The following SYK variants were observed in gnomAD, a reference collection of about 807,000 sequenced individuals.
The protein encoded by SYK is spleen associated tyrosine kinase, also known as tyrosine-protein kinase SYK.
A neutral mutation model predicts 77.8 loss-of-function variants in SYK; 16 were observed. The observed-to-expected ratio is 0.21, with a 90% CI of 0.14 to 0.31. SYK has a LOEUF of 0.31. Among genes scored for constraint, SYK ranks in the 10% least tolerant of loss-of-function variants. SYK has a pLI of 1.00. For synonymous variants in SYK, 312 were observed against 308.7 expected (o/e 1.01, Z -0.11); for missense variants, 529 against 814.4 (o/e 0.65, Z 4.26).
chr9:90,884,424 T>A (rs1389198792), intron 11 of SYK, among the ~76,000 whole-genome samples: 1 of 84,672 alleles, frequency 1.2e-5, no homozygotes, highest in African/African-American at 5.1e-5. Flanking sequence ...TACATACATA[T>A]ACACATATGT....
chr9:90,869,968 C>T (rs947159451), intron 7 of SYK, among the ~76,000 whole-genome samples: 7 of 152,062 alleles, frequency 4.6e-5, no homozygotes, highest in Admixed American at 3.3e-4. Context: ...ATTAGCCAGG[C>T]GTGGTGGCAC....
chr9:90,897,985 G>A lies in SYK; in HGVS notation c.*2385G>A, dbSNP rs1223316089. On this transcript the variant is annotated 3_prime_UTR_variant, in exon 14 of 14. Coordinates refer to ENST00000375754, the MANE Select transcript of SYK (RefSeq NM_003177.7). ...GGCTACATTTGGGAAGCTGGGAAAG[G>A]CCTCCAGGCTTCTAGAGCAGCTAGC... is the stretch of plus-strand genomic sequence containing the variant. 3 of 229,424 alleles carry A rather than the reference G, an allele frequency of 1.3e-5. No homozygotes were observed. Among genetic ancestry groups the A allele is most frequent in the Non-Finnish European group, 2.6e-5 (3 of 115,740 alleles). The allele number at this position is 229,424 out of a possible 1,614,324, so 14.2% of individuals were successfully genotyped here. A position where few individuals can be genotyped will look rare whatever the true frequency, so the allele number is the denominator to read the frequency against.
chr9:90,844,347 CA>C (rs747578597), intron 2 of SYK, 32 bp downstream of exon 2: 96 of 1,530,358 alleles, frequency 6.3e-5, no homozygotes, highest in Non-Finnish European at 8.1e-5. Context: ...TCCCTGGGCC[CA>C]GGGGGCCCTG....
intron 1 of SYK, among the ~76,000 whole-genome samples, chr9:90,817,951 C>T (rs77688738): frequency 0.013 from 1,999 of 151,218 alleles, 47 homozygotes; most frequent in African/African-American, 0.046. Context: ...CATATTTCTC[C>T]CCAGTGAGGC....
intron 1 of SYK, among the ~76,000 whole-genome samples, chr9:90,841,113 T>C (rs1235090049): frequency 6.6e-6 from 1 of 151,786 alleles, no homozygotes; most frequent in Non-Finnish European, 1.5e-5. Flanking sequence ...GTGTGTGGTG[T>C]GTGTGCAGTG....
At chr9:90,813,931 CG>C (rs1209603181) in intron 1 of SYK, among the ~76,000 whole-genome samples, 1 of 152,120 alleles carries the variant, frequency 6.6e-6, no homozygotes, top group Admixed American at 6.5e-5. Flanking sequence ...GTCACTCCCC[CG>C]GGGGGCATCT....
chr9:90,889,306 AC>A (rs1828698718), intron 13 of SYK, among the ~76,000 whole-genome samples: 2 of 152,238 alleles, frequency 1.3e-5, no homozygotes, highest in African/African-American at 4.8e-5. Flanking sequence ...CGTGCATAGC[AC>A]GGTGACCCCA....
chr9:90,813,640 G>A, intron 1 of SYK, among the ~76,000 whole-genome samples: 1 of 152,192 alleles, frequency 6.6e-6, no homozygotes, highest in East Asian at 1.9e-4. Context: ...AATCAGACTG[G>A]CTCACAAAGA....
chr9:90,845,692 G>T, intron 3 of SYK, 98 bp downstream of exon 3: 1 of 1,429,434 alleles, frequency 7.0e-7, no homozygotes, highest in Non-Finnish European at 9.5e-7. Flanking sequence ...CATGACCCTG[G>T]GAAGAGGCCA....
chr9:90,858,581 C>A (rs290204), intron 3 of SYK, among the ~76,000 whole-genome samples: 1 of 152,128 alleles, frequency 6.6e-6, no homozygotes, highest in Non-Finnish European at 1.5e-5. Flanking sequence ...GGGTGGGTGT[C>A]CTGATGCCAC....
At chr9:90,845,103 T>C (rs550650428) in intron 2 of SYK, among the ~76,000 whole-genome samples, 43 of 152,214 alleles carry the variant, frequency 2.8e-4, no homozygotes, top group Non-Finnish European at 4.4e-4. Context: ...ACCTGGCTAA[T>C]TTTTGTATTT....
At chr9:90,873,168 A>C (rs933532658) in intron 7 of SYK, among the ~76,000 whole-genome samples, 4 of 152,184 alleles carry the variant, frequency 2.6e-5, no homozygotes, top group Non-Finnish European at 5.9e-5. Flanking sequence ...TTGTAATATG[A>C]ATAAGGCACA....
At chr9:90,810,526 G>C (rs535018873) in intron 1 of SYK, among the ~76,000 whole-genome samples, 1 of 152,260 alleles carries the variant, frequency 6.6e-6, no homozygotes, top group South Asian at 2.1e-4. Context: ...TGTAACAAAT[G>C]TGTGAGTGAA....
intron 6 of SYK, 90 bp from the exon 7 acceptor site, chr9:90,867,041 A>G (rs1827525675): frequency 1.4e-6 from 2 of 1,462,692 alleles, no homozygotes; most frequent in African/African-American, 2.8e-5. Context: ...GTGCGATTAT[A>G]GAAGCAAATT....
In SYK at chr9:90,839,411, C is replaced by T. The variant is rs913922297; in HGVS notation, c.-41-4447C>T. Among the ~76,000 whole-genome samples the T allele has an allele frequency of 4.6e-5, 7 of 152,150 alleles. No homozygotes were observed. In the East Asian group the frequency reaches 5.8e-4, roughly 13 times the overall value. On this transcript the variant is annotated intron_variant, in intron 1 of 13. Coordinates refer to ENST00000375754, the MANE Select transcript of SYK (RefSeq NM_003177.7). The stretch of plus-strand genomic sequence containing the variant: ...AGCACATTCTTCTGCCACCTGCTTG[C>T]GAACATATCTGCAATGCACCATCAA...
intron 7 of SYK, among the ~76,000 whole-genome samples, chr9:90,867,406 C>T (rs1023528876): frequency 2.6e-5 from 4 of 152,182 alleles, no homozygotes; most frequent in East Asian, 3.9e-4. Context: ...GTCCTCAGTC[C>T]GTCAGCTGGA....
chr9:90,860,361 G>A (rs1381130152), intron 3 of SYK, among the ~76,000 whole-genome samples: 2 of 152,176 alleles, frequency 1.3e-5, no homozygotes, highest in Non-Finnish European at 2.9e-5. Flanking sequence ...AACATAAATA[G>A]TCTCACTTTA....
chr9:90,813,280 A>G (rs992464582), intron 1 of SYK, among the ~76,000 whole-genome samples: 9 of 152,068 alleles, frequency 5.9e-5, no homozygotes, highest in South Asian at 2.1e-4. Context: ...CTTGTGAGTC[A>G]TTAGGGGATG....
chr9:90,861,118 A>T (rs182697793), intron 3 of SYK, among the ~76,000 whole-genome samples: 38 of 152,234 alleles, frequency 2.5e-4, no homozygotes, highest in Admixed American at 2.2e-3. Context: ...CTACGAAGCT[A>T]AACTGGGGGA....
Sources: allele counts gnomAD v4.1 joint callset (sites outside exome capture counted in the v4.1 genomes callset), GRCh38; gene constraint gnomAD v4.1.1; transcripts MANE v1.5; gene names NCBI Gene and HGNC (gene_info 2026-07-23, HGNC 2026-07-21).